ADGRL3: variants seen among roughly 807,000 people sequenced by gnomAD.
ADGRL3 encodes adhesion G protein-coupled receptor L3.
Under a neutral mutation model 153.5 loss-of-function variants are expected in ADGRL3, and 62 were observed. The ratio of observed to expected loss-of-function variants is 0.40; its 90% CI spans 0.33 to 0.50. The LOEUF (loss-of-function observed/expected upper bound fraction) is 0.50. ADGRL3 is among the 20% of genes least tolerant of loss of function. The pLI, the probability that ADGRL3 is intolerant of heterozygous loss-of-function variation, is 0.47. For missense variants in ADGRL3, 1,641 were observed against 1,859.4 expected, an observed-to-expected ratio of 0.88 and a Z score of 2.16; for synonymous variants, 710 against 672.5, an observed-to-expected ratio of 1.06 and a Z score of -0.86.
intron 5 of ADGRL3, among the ~76,000 whole-genome samples, chr4:61,665,506 C>G (rs1448087121): frequency 6.6e-6 from 1 of 152,026 alleles, no homozygotes; most frequent in East Asian, 1.9e-4. Context: ...CCTGGAAATT[C>G]AGTAACCGTC....
chr4:61,341,099 G>GAC (rs1050899978), intron 1 of ADGRL3, among the ~76,000 whole-genome samples: 1 of 151,582 alleles, frequency 6.6e-6, no homozygotes, highest in Non-Finnish European at 1.5e-5. Flanking sequence ...TATATATATA[G>GAC]ACACACACAC....
chr4:61,517,130 T>C (rs1018218925), intron 3 of ADGRL3, among the ~76,000 whole-genome samples, 185 bp from the exon 4 acceptor site: 2 of 151,848 alleles, frequency 1.3e-5, no homozygotes, highest in Non-Finnish European at 2.9e-5. Flanking sequence ...GATAGCATTA[T>C]ACTAGGGGCC....
chr4:61,780,363 A>C (rs1214671824), intron 8 of ADGRL3, among the ~76,000 whole-genome samples: 1 of 152,346 alleles, frequency 6.6e-6, no homozygotes, highest in Non-Finnish European at 1.5e-5. Context: ...CTAGGCAGTC[A>C]TGCAGTGTTT....
chr4:61,787,654 T>C (rs2097293350), intron 8 of ADGRL3, among the ~76,000 whole-genome samples: 1 of 152,096 alleles, frequency 6.6e-6, no homozygotes, highest in South Asian at 2.1e-4. Flanking sequence ...TTATAAAATA[T>C]ATTCTCTTCT....
rs901419560 is a variant in ADGRL3, at chr4:61,734,247, AT to A, written c.1399+702del. Among the ~76,000 whole-genome samples the A allele has an allele frequency of 1.4e-4, 21 of 151,138 alleles. 1 individual carries two copies. Among genetic ancestry groups the A allele is most frequent in the African/African-American group, 4.9e-4 (20 of 41,176 alleles). ...TTAAAGACAATCATAAATACCTTTAATTTTTTTTTCATTTTTATGTACTCAA... is the reference window on the plus strand; with the variant it reads ...TTAAAGACAATCATAAATACCTTTAATTTTTTTTCATTTTTATGTACTCAA... On this transcript the variant is annotated intron_variant, in intron 8 of 26. Transcript: ENST00000683033.
intron 5 of ADGRL3, among the ~76,000 whole-genome samples, chr4:61,638,778 G>A (rs1480291450): frequency 4.6e-5 from 7 of 152,158 alleles, no homozygotes; most frequent in Admixed American, 3.3e-4. Context: ...TTGCTCATAT[G>A]TTTATCCAGA....
chr4:61,585,364 T>G (rs1169845631), intron 4 of ADGRL3, among the ~76,000 whole-genome samples: 1 of 151,570 alleles, frequency 6.6e-6, no homozygotes, highest in African/African-American at 2.4e-5. Flanking sequence ...ATTATAGATA[T>G]GTTTCATAAA....
chr4:61,551,466 T>A (rs2098740153), intron 4 of ADGRL3, among the ~76,000 whole-genome samples: 1 of 152,138 alleles, frequency 6.6e-6, no homozygotes, highest in African/African-American at 2.4e-5. Flanking sequence ...AGAATTTTAA[T>A]TCTAGAGGAT....
At chr4:61,751,052 G>T (rs2096751417) in intron 8 of ADGRL3, among the ~76,000 whole-genome samples, 1 of 152,138 alleles carries the variant, frequency 6.6e-6, no homozygotes, top group African/African-American at 2.4e-5. Context: ...AGTGGCATTA[G>T]ATTCTCATAG....
intron 1 of ADGRL3, among the ~76,000 whole-genome samples, chr4:61,258,312 A>G (rs911377408): frequency 1.2e-4 from 18 of 152,164 alleles, no homozygotes; most frequent in African/African-American, 4.3e-4. Context: ...CTCTCTACAT[A>G]CAGCTCTTGC....
Position 61,200,472 on chromosome 4 carries a change from G to A in ADGRL3, c.-1533G>A, listed in dbSNP as rs1246991110. ...GCTCGCTCCAGTTCCCAGGAGCGGG[G>A]ATGCAGATGCTGCAGCTGGTCGGGG... On this transcript the variant is annotated 5_prime_UTR_variant, in exon 1 of 27. Transcript: ENST00000683033. 6.6e-6 allele frequency among the ~76,000 whole-genome samples: 1 copy of A among 151,740 alleles called. No homozygotes were observed. The highest frequency in any genetic ancestry group is 2.4e-5 in the African/African-American group (1 of 41,374).
At chr4:61,835,310 CAT>C (rs2097918426) in intron 9 of ADGRL3, among the ~76,000 whole-genome samples, 1 of 119,954 alleles carries the variant, frequency 8.3e-6, no homozygotes, top group African/African-American at 3.2e-5. Flanking sequence ...TAGGACCTCT[CAT>C]GTGTGCATTA....
chr4:61,244,658 C>A (rs1161405517), intron 1 of ADGRL3, among the ~76,000 whole-genome samples: 5 of 151,928 alleles, frequency 3.3e-5, no homozygotes, highest in African/African-American at 4.8e-5. Flanking sequence ...TAATTGGGAA[C>A]ACACAGATGG....
chr4:61,329,164 A>T (rs186044912), intron 1 of ADGRL3, among the ~76,000 whole-genome samples: 9 of 152,238 alleles, frequency 5.9e-5, no homozygotes, highest in Non-Finnish European at 8.8e-5. Context: ...AAAAGCTATA[A>T]CCCTACCATT....
chr4:61,494,523 G>C (rs1353262051), intron 2 of ADGRL3, among the ~76,000 whole-genome samples: 1 of 152,178 alleles, frequency 6.6e-6, no homozygotes, highest in East Asian at 1.9e-4. Context: ...TTTTAAATTA[G>C]TAATTGCTTT....
chr4:61,901,693 TTGATA>T (rs2098665570), intron 11 of ADGRL3, among the ~76,000 whole-genome samples: 1 of 152,176 alleles, frequency 6.6e-6, no homozygotes, highest in Non-Finnish European at 1.5e-5. Context: ...TGATTAGTGG[TTGATA>T]TGATAAAATC....
intron 19 of ADGRL3, among the ~76,000 whole-genome samples, chr4:61,990,411 G>A (rs185468374): frequency 1.3e-5 from 2 of 151,986 alleles, no homozygotes; most frequent in African/African-American, 4.8e-5. Flanking sequence ...GCAGTGGGAG[G>A]TTGAAAATGG....
chr4:61,704,946 A>G (rs1031646917), intron 6 of ADGRL3, among the ~76,000 whole-genome samples: 1 of 152,132 alleles, frequency 6.6e-6, no homozygotes, highest in African/African-American at 2.4e-5. Context: ...TTCTCTTTCT[A>G]TTTGCACAAT....
At chr4:61,597,736 T>G (rs1045869474) in intron 5 of ADGRL3, among the ~76,000 whole-genome samples, 3 of 151,880 alleles carry the variant, frequency 2.0e-5, no homozygotes, top group Admixed American at 6.6e-5. Context: ...CTTCAGGTTT[T>G]CTGTTATAGG....
Sources: allele counts gnomAD v4.1 joint callset (sites outside exome capture counted in the v4.1 genomes callset), GRCh38; gene constraint gnomAD v4.1.1; transcripts MANE v1.5; gene names NCBI Gene and HGNC (gene_info 2026-07-23, HGNC 2026-07-21).